The following MANBA variants were observed in gnomAD, a reference collection of about 807,000 sequenced individuals.
MANBA encodes the protein beta-mannosidase.
Under a neutral mutation model 111.1 loss-of-function variants are expected in MANBA, and 83 were observed. That is an observed-to-expected ratio of 0.75 (90% confidence interval 0.63 to 0.90). The LOEUF is 0.90. Among genes scored for constraint, MANBA ranks in the 40% least tolerant of loss-of-function variants. The pLI, the probability that MANBA is intolerant of heterozygous loss-of-function variation, is 0.00. For missense variants in MANBA, 1,036 were observed against 1,069.0 expected (o/e 0.97, Z 0.43); for synonymous variants, 370 against 378.7 (o/e 0.98, Z 0.27).
chr4:102,730,483 G>A (rs1012019191), intron 1 of MANBA: 8 of 521,690 alleles, frequency 1.5e-5, no homozygotes, highest in Admixed American at 7.9e-5. Flanking sequence ...GCGGTTCCTG[G>A]GGCAGCTCGT....
At chr4:102,675,306 T>C (rs1483517891) in intron 7 of MANBA, among the ~76,000 whole-genome samples, 1 of 152,232 alleles carries the variant, frequency 6.6e-6, no homozygotes, top group Non-Finnish European at 1.5e-5. Context: ...TTCCAGAGAC[T>C]ACATGATGTG....
At chr4:102,732,566 T>A (rs146196970) in intron 1 of MANBA, among the ~76,000 whole-genome samples, 4 of 152,338 alleles carry the variant, frequency 2.6e-5, no homozygotes, top group African/African-American at 9.6e-5. Flanking sequence ...CAGAAACTGA[T>A]CCAAACTGGA....
intron 12 of MANBA, among the ~76,000 whole-genome samples, chr4:102,657,223 G>GGT (rs1560752314): frequency 1.7e-4 from 7 of 40,364 alleles, no homozygotes; most frequent in Non-Finnish European, 3.7e-4. Context: ...GGAGTGGGGT[G>GGT]GGGGGGGGGT....
chr4:102,690,875 C>T lies in MANBA; in HGVS notation c.674-104G>A, dbSNP rs868040720. 2.9e-5 allele frequency: 11 copies of T among 373,630 alleles called. No homozygotes were observed. The South Asian group carries it at 5.0e-4, about 17-fold the overall frequency. 23.1% of individuals were successfully genotyped at this position (373,630 alleles called of 1,614,324 possible). A position where few individuals can be genotyped will look rare whatever the true frequency, so the allele number is the denominator to read the frequency against. ...ATTGAAGGTAAGACTAAAGCAGCTT[C>T]AAACCCAGTATGTGCTCCACAATGC... On this transcript the variant is annotated intron_variant, in intron 5 of 16. Coordinates refer to ENST00000647097, the MANE Select transcript of MANBA (RefSeq NM_005908.4).
chr4:102,692,850 G>A (rs77007356), intron 5 of MANBA, among the ~76,000 whole-genome samples: 6,294 of 151,658 alleles, frequency 0.042, 450 homozygotes, highest in African/African-American at 0.14. Flanking sequence ...AATAATCATG[G>A]CTTTGCTGCA....
In MANBA at chr4:102,688,989, A is replaced by C. The variant is rs535332803; in HGVS notation, c.960+585T>G. Among the ~76,000 whole-genome samples, 6 of 152,346 alleles carry C rather than the reference A, an allele frequency of 3.9e-5. No homozygotes were observed. The South Asian group carries it at 8.3e-4, about 21-fold the overall frequency. ...AATTACACATGTATTATTTTGATAT[A>C]AGGTACAATTTTAAATCATAGCAGG... On this transcript the variant is annotated intron_variant, in intron 7 of 16. Transcript: ENST00000647097.
chr4:102,668,370 C>T (rs1193263826), intron 10 of MANBA: 1 of 153,342 alleles, frequency 6.5e-6, no homozygotes, highest in African/African-American at 2.4e-5. Context: ...AAGCTTTTCT[C>T]TTAACAGGAA....
intron 1 of MANBA, chr4:102,727,418 T>G: frequency 8.2e-5 from 88 of 1,078,420 alleles, no homozygotes; most frequent in Non-Finnish European, 1.1e-4. Context: ...GTCCTGGAGA[T>G]GAGCTTGGTA....
chr4:102,632,689 C>T (rs184834655), intron 16 of MANBA, among the ~76,000 whole-genome samples: 1 of 152,310 alleles, frequency 6.6e-6, no homozygotes, highest in Non-Finnish European at 1.5e-5. Flanking sequence ...ACATTCAAGT[C>T]TCCTGAAAAG....
chr4:102,664,220 T>C (rs949995071), intron 11 of MANBA, among the ~76,000 whole-genome samples: 1 of 152,234 alleles, frequency 6.6e-6, no homozygotes, highest in Non-Finnish European at 1.5e-5. Flanking sequence ...CCACAGCCCA[T>C]GAATCCTTTC....
intron 1 of MANBA, chr4:102,751,478 C>T (rs1002459674): frequency 8.7e-5 from 46 of 526,704 alleles, no homozygotes; most frequent in South Asian, 4.2e-4. Context: ...CAATCCCTGC[C>T]GCCTCTGAAT....
Position 102,631,974 on chromosome 4 carries a change from T to C in MANBA, c.*83A>G. ...CAGACATGTCTCTCGGCTTCTCTCC[T>C]TGTCTCTGTTGCCTTCCTCTCCAGT... On this transcript the variant is annotated 3_prime_UTR_variant, in exon 17 of 17. Transcript: ENST00000647097. 1 of 1,195,730 alleles carries C rather than the reference T, an allele frequency of 8.4e-7. No individual in the cohort carries two copies. Among genetic ancestry groups the C allele is most frequent in the Non-Finnish European group, 1.2e-6 (1 of 806,254 alleles). 74.1% of individuals were successfully genotyped at this position (1,195,730 alleles called of 1,614,324 possible).
At chr4:102,671,743 A>C (rs915599127) in intron 8 of MANBA, 4 of 415,034 alleles carry the variant, frequency 9.6e-6, no homozygotes, top group Admixed American at 8.0e-5. Flanking sequence ...CCAAACTATA[A>C]AACAAAATCA....
chr4:102,749,667 T>G (rs755120041), intron 1 of MANBA, among the ~76,000 whole-genome samples: 29 of 152,224 alleles, frequency 1.9e-4, no homozygotes, highest in Non-Finnish European at 3.5e-4. Context: ...GGCAATAACT[T>G]TGCTGAGCCT....
At chr4:102,661,878 C>A (rs1296550607) in intron 11 of MANBA, among the ~76,000 whole-genome samples, 3 of 152,174 alleles carry the variant, frequency 2.0e-5, no homozygotes, top group Non-Finnish European at 4.4e-5. Context: ...CAGCAGGAAA[C>A]CAATCATTAC....
intron 15 of MANBA, among the ~76,000 whole-genome samples, 183 bp from the exon 16 acceptor site, chr4:102,635,228 T>C (rs1044712058): frequency 2.0e-5 from 3 of 152,188 alleles, no homozygotes; most frequent in African/African-American, 7.2e-5. Flanking sequence ...TCAGTCTTCA[T>C]TTCTTCATAT....
chr4:102,690,426 T>C (rs1164185879), intron 6 of MANBA, among the ~76,000 whole-genome samples, 170 bp downstream of exon 6: 1 of 152,176 alleles, frequency 6.6e-6, no homozygotes, highest in East Asian at 1.9e-4. Flanking sequence ...AAATCATTCT[T>C]TAGCTCATAC....
chr4:102,656,144 T>C (rs1391381741), intron 12 of MANBA, among the ~76,000 whole-genome samples: 1 of 152,048 alleles, frequency 6.6e-6, no homozygotes, highest in Non-Finnish European at 1.5e-5. Context: ...TCCCAGCTTC[T>C]TGGGGATGCT....
chr4:102,640,371 T>C (rs1729827726), intron 13 of MANBA, among the ~76,000 whole-genome samples: 1 of 152,230 alleles, frequency 6.6e-6, no homozygotes, highest in Admixed American at 6.5e-5. Flanking sequence ...TTTGATGTCA[T>C]GATTTTTGGT....
Sources: allele counts gnomAD v4.1 joint callset (sites outside exome capture counted in the v4.1 genomes callset), GRCh38; gene constraint gnomAD v4.1.1; transcripts MANE v1.5; gene names NCBI Gene and HGNC (gene_info 2026-07-23, HGNC 2026-07-21).